The following PERM1 variants were observed in gnomAD, a reference collection of about 807,000 sequenced individuals.
The protein encoded by PERM1 is PPARGC1 and ESRR induced regulator, muscle 1.
PERM1 carries 45 observed loss-of-function variants against 44.1 expected under a neutral mutation model. The observed-to-expected ratio is 1.02, with a 90% CI of 0.80 to 1.31. PERM1 has a LOEUF of 1.31. Ranked by LOEUF, PERM1 falls within the 50% of genes most tolerant of loss-of-function variation. PERM1 has a pLI of 0.00. For synonymous variants in PERM1, 565 were observed against 477.1 expected (o/e 1.18, Z -2.40); for missense variants, 1,189 against 1,106.9 (o/e 1.07, Z -1.05).
exon 3 of PERM1, chr1:976,145 T>G (rs1403973821): frequency 6.5e-7 from 1 of 1,543,788 alleles, no homozygotes; most frequent in Non-Finnish European, 8.7e-7. Context: ...CTCCTCATCC[T>G]GCATCTCCCT....
chr1:981,739 G>A (rs904044525), upstream of PERM1, among the ~76,000 whole-genome samples: 7 of 152,242 alleles, frequency 4.6e-5, no homozygotes, highest in East Asian at 1.9e-4. Flanking sequence ...CAGCCACCTC[G>A]GGCCGTCCTC....
chr1:978,508 C>T (rs947216044), intron 1 of PERM1, among the ~76,000 whole-genome samples: 1 of 152,192 alleles, frequency 6.6e-6, no homozygotes, highest in African/African-American at 2.4e-5. Flanking sequence ...GTGGAGGCCC[C>T]GTGTTCTGGT....
At chr1:981,225 C>G, upstream of PERM1, 1 of 1,508,900 alleles carries the variant, frequency 6.6e-7, no homozygotes, top group Non-Finnish European at 8.9e-7. Flanking sequence ...TCCTTCAAAC[C>G]TAGTGGTGAC....
chr1:976,042 G>A (rs915439457), exon 3 of PERM1: 4 of 913,594 alleles, frequency 4.4e-6, no homozygotes, highest in Non-Finnish European at 6.4e-6. Context: ...AGCAGCACCA[G>A]GACACGCCCC....
chr1:980,385 C>T (rs1643762892), exon 1 of PERM1: 2 of 1,549,966 alleles, frequency 1.3e-6, no homozygotes, highest in Admixed American at 2.0e-5. Flanking sequence ...GCTTTGCCGT[C>T]TCAGGACTGG....
exon 3 of PERM1, chr1:976,229 G>A: frequency 5.2e-6 from 8 of 1,538,260 alleles, no homozygotes; most frequent in Non-Finnish European, 7.0e-6. Context: ...GCCGGCGGAA[G>A]TAGCGGATGG....
At chr1:981,071 G>A (rs962418019), upstream of PERM1, 36 of 1,546,418 alleles carry the variant, frequency 2.3e-5, no homozygotes, top group Middle Eastern at 1.7e-4. Flanking sequence ...GAATGGGTCC[G>A]GTGGGGTCTT....
chr1:979,183 C>G, exon 1 of PERM1: 4 of 1,550,132 alleles, frequency 2.6e-6, no homozygotes, highest in Non-Finnish European at 1.7e-6. Context: ...GAAGAACTCG[C>G]ACATGTCCGG....
chr1:981,263 C>A, upstream of PERM1: 4 of 1,377,846 alleles, frequency 2.9e-6, no homozygotes, highest in Non-Finnish European at 3.9e-6. Context: ...ATCCCCAGCT[C>A]CCATGACCCT....
exon 1 of PERM1, chr1:979,988 G>T (rs759191878): frequency 1.6e-4 from 251 of 1,549,224 alleles, no homozygotes; most frequent in Non-Finnish European, 2.1e-4. Context: ...TCAGAGGCAG[G>T]TGTAGACACA....
chr1:978,915 C>A (rs1570070982), exon 1 of PERM1: 1 of 1,504,680 alleles, frequency 6.6e-7, no homozygotes, highest in South Asian at 1.3e-5. Flanking sequence ...GCCGCTCTAC[C>A]ACGGCTGGCT....
At chr1:981,299 G>T, upstream of PERM1, 1 of 925,992 alleles carries the variant, frequency 1.1e-6, no homozygotes, top group Non-Finnish European at 1.6e-6. Context: ...CCAAATGATA[G>T]CTGTGTGATG....
exon 1 of PERM1, chr1:979,803 G>T (rs1302656848): frequency 6.5e-7 from 1 of 1,550,268 alleles, no homozygotes; most frequent in African/African-American, 1.4e-5. Flanking sequence ...CCACATCCAG[G>T]CCATGTTTGG....
chr1:979,953 A>G (rs1274609878), exon 1 of PERM1: 1 of 1,550,234 alleles, frequency 6.5e-7, no homozygotes, highest in Non-Finnish European at 8.7e-7. Flanking sequence ...GTATAGACAC[A>G]GCCATGTCCC....
At chr1:979,424 C>T (rs1049390738) in exon 1 of PERM1, 7 of 1,528,472 alleles carry the variant, frequency 4.6e-6, no homozygotes, top group Middle Eastern at 1.8e-4. Flanking sequence ...CCGGGCCCCC[C>T]GTGGGCCCCA....
upstream of PERM1, chr1:981,210 G>C (rs28566954): frequency 2.0e-6 from 3 of 1,533,398 alleles, no homozygotes; most frequent in Non-Finnish European, 1.8e-6. Flanking sequence ...GGGGAGGGCC[G>C]CGCTTCCTTC....
rs971302781 is a variant in PERM1, at chr1:980,275, C to T, written c.755G>A (p.Gly252Asp). ...AGGGACAGGTGTAGACAGGCCCAAA[C>T]CTGGCCCTGGTCTGTCTTCCTGCAC... Residue 252 changes from glycine to aspartate, a missense_variant, in exon 1 of 3, where the codon GGT becomes GAT. Gly to Asp is a moderately conservative substitution (Grantham distance 94). Transcript: ENST00000433179. 10 of 1,550,272 alleles carry T rather than the reference C, an allele frequency of 6.5e-6. No individual in the cohort carries two copies. The African/African-American group carries it at 8.2e-5, about 13-fold the overall frequency.
intron 1 of PERM1, 30 bp from the exon 3 acceptor site, chr1:976,654 G>T: frequency 4.5e-6 from 7 of 1,548,292 alleles, no homozygotes; most frequent in East Asian, 2.4e-5. Context: ...TCAGCCCCAC[G>T]GCTGCACTCA....
chr1:979,571 A>G (rs1322345956), exon 1 of PERM1: 1 of 1,550,048 alleles, frequency 6.5e-7, no homozygotes, highest in Admixed American at 2.0e-5. Flanking sequence ...GCCCCAGAGC[A>G]GCATCCGGGG....
Sources: gnomAD v4.1 joint callset for allele counts (sites outside exome capture counted in the v4.1 genomes callset) on GRCh38, gnomAD v4.1.1 for gene constraint, MANE v1.5 for transcripts, NCBI Gene and HGNC (gene_info 2026-07-23, HGNC 2026-07-21) for gene names.